Variants in ANXA10 observed in about 807,000 individuals in gnomAD.
The protein encoded by ANXA10 is annexin A10, also known as annexin 14.
Under a neutral mutation model 53.5 loss-of-function variants are expected in ANXA10, and 49 were observed. The ratio of observed to expected loss-of-function variants is 0.92; its 90% CI spans 0.73 to 1.16. The LOEUF is 1.16. Among genes scored for constraint, ANXA10 ranks in the 50% most tolerant of loss-of-function variants. The pLI is 0.00. For missense variants in ANXA10, 393 were observed against 394.4 expected, an observed-to-expected ratio of 1.00 and a Z score of 0.03; for synonymous variants, 131 against 128.9, an observed-to-expected ratio of 1.02 and a Z score of -0.11.
intron 3 of ANXA10, among the ~76,000 whole-genome samples, chr4:168,142,588 GA>G (rs1449079360): frequency 3.9e-5 from 6 of 152,172 alleles, no homozygotes; most frequent in Admixed American, 6.5e-5. Context: ...ACACATCTGA[GA>G]GCTTGTTTGT....
chr4:168,147,631 G>T (rs1387508285), intron 3 of ANXA10, among the ~76,000 whole-genome samples: 1 of 152,150 alleles, frequency 6.6e-6, no homozygotes, highest in African/African-American at 2.4e-5. Flanking sequence ...CTAGTCTAAA[G>T]GTCTCCAATC....
At chr4:168,144,548 T>G (rs1437204824) in intron 3 of ANXA10, among the ~76,000 whole-genome samples, 6 of 152,204 alleles carry the variant, frequency 3.9e-5, no homozygotes. Flanking sequence ...AACTTCAGTT[T>G]TTTTCTATCA....
At chr4:168,154,408 C>T (rs182533978) in intron 3 of ANXA10, among the ~76,000 whole-genome samples, 2 of 152,212 alleles carry the variant, frequency 1.3e-5, no homozygotes, top group Admixed American at 1.3e-4. Context: ...AGTCCATGTC[C>T]TGATAGACTT....
chr4:168,095,951 A>T (rs150266077), intron 1 of ANXA10, among the ~76,000 whole-genome samples: 30 of 152,302 alleles, frequency 2.0e-4, no homozygotes, highest in African/African-American at 6.7e-4. Flanking sequence ...ATAGCTCAAG[A>T]GCACGAAAGT....
At chr4:168,157,296 C>G (rs1287733173) in intron 3 of ANXA10, among the ~76,000 whole-genome samples, 1 of 151,766 alleles carries the variant, frequency 6.6e-6, no homozygotes, top group Non-Finnish European at 1.5e-5. Context: ...GATACAGAGT[C>G]TTGCTCTGTC....
intron 3 of ANXA10, among the ~76,000 whole-genome samples, chr4:168,142,879 G>C (rs1204210483): frequency 6.6e-6 from 1 of 152,016 alleles, no homozygotes; most frequent in Non-Finnish European, 1.5e-5. Context: ...GGGTTGTGCT[G>C]GTTCACTTTT....
At chr4:168,150,491 G>A (rs911283683) in intron 3 of ANXA10, among the ~76,000 whole-genome samples, 2 of 152,142 alleles carry the variant, frequency 1.3e-5, no homozygotes, top group Admixed American at 1.3e-4. Flanking sequence ...CTGCAGGGTG[G>A]CCATTCTGAC....
chr4:168,095,366 C>CT (rs1730525117), intron 1 of ANXA10, among the ~76,000 whole-genome samples: 1 of 151,884 alleles, frequency 6.6e-6, no homozygotes, highest in Admixed American at 6.6e-5. Context: ...ATCCTATTCC[C>CT]TTTTCTACCC....
intron 1 of ANXA10, among the ~76,000 whole-genome samples, chr4:168,093,651 TGG>T (rs1730496006): frequency 1.3e-5 from 2 of 152,166 alleles, no homozygotes; most frequent in Admixed American, 6.5e-5. Context: ...CACTCCAGCC[TGG>T]GCGACAGAGC....
intron 1 of ANXA10, among the ~76,000 whole-genome samples, chr4:168,122,884 CAT>C (rs1673794604): frequency 6.6e-6 from 1 of 152,102 alleles, no homozygotes; most frequent in Admixed American, 6.6e-5. Flanking sequence ...GGAGGGGACA[CAT>C]ATTCAAATCA....
At chr4:168,181,444 G>A (rs1220676844) in intron 9 of ANXA10, among the ~76,000 whole-genome samples, 1 of 150,830 alleles carries the variant, frequency 6.6e-6, no homozygotes, top group African/African-American at 2.4e-5. Flanking sequence ...GCTACATGAA[G>A]GAACTAACAA....
intron 1 of ANXA10, among the ~76,000 whole-genome samples, chr4:168,117,105 C>G (rs1170476118): frequency 2.0e-5 from 3 of 152,102 alleles, no homozygotes; most frequent in South Asian, 4.1e-4. Context: ...ATAATAAGTA[C>G]TCAGCCAGGC....
intron 2 of ANXA10, among the ~76,000 whole-genome samples, chr4:168,133,462 A>G (rs1731186780): frequency 6.6e-6 from 1 of 152,102 alleles, no homozygotes; most frequent in Non-Finnish European, 1.5e-5. Context: ...CAAAATTAAT[A>G]ATTTTAAAAA....
intron 1 of ANXA10, among the ~76,000 whole-genome samples, chr4:168,122,627 A>C (rs1402620232): frequency 5.9e-5 from 9 of 152,188 alleles, no homozygotes; most frequent in African/African-American, 2.2e-4. Context: ...CTTTTGGGGA[A>C]GCCTCAGGAA....
intron 6 of ANXA10, among the ~76,000 whole-genome samples, chr4:168,166,116 T>C (rs1431193186): frequency 6.6e-6 from 1 of 152,216 alleles, no homozygotes; most frequent in Non-Finnish European, 1.5e-5. Flanking sequence ...ATAATACAAA[T>C]ATTCTCATAA....
At chr4:168,115,385 G>T (rs1429139212) in intron 1 of ANXA10, among the ~76,000 whole-genome samples, 1 of 151,980 alleles carries the variant, frequency 6.6e-6, no homozygotes, top group Non-Finnish European at 1.5e-5. Flanking sequence ...CAAATAACTT[G>T]AAATCAAATA....
intron 6 of ANXA10, 114 bp from the exon 7 acceptor site, chr4:168,177,622 TAATA>T: frequency 1.1e-6 from 1 of 938,834 alleles, no homozygotes; most frequent in Non-Finnish European, 1.7e-6. Flanking sequence ...TTACTCCAGA[TAATA>T]AAAGAAGTTC....
intron 3 of ANXA10, among the ~76,000 whole-genome samples, chr4:168,157,691 T>G (rs1363982827): frequency 2.0e-5 from 3 of 152,218 alleles, no homozygotes; most frequent in African/African-American, 7.2e-5. Context: ...ATTTTTGCTA[T>G]TTCTAGAATT....
At position 168,155,205 on chromosome 4, in the gene ANXA10, C is replaced by T. The variant is rs201561065; in HGVS notation, c.196-7323C>T. On this transcript the variant is annotated intron_variant, in intron 3 of 11. Transcript: ENST00000359299. ...GCTCACCTCACAACTACGCTTTCCA[C>T]GAACCTTCATTTTATGAATAATATC... is the stretch of plus-strand genomic sequence containing the variant. 3.3e-5 allele frequency among the ~76,000 whole-genome samples: 5 copies of T among 150,064 alleles called. No homozygotes were observed. In the East Asian group the frequency reaches 9.7e-4, roughly 29 times the overall value.
Sources: allele counts gnomAD v4.1 joint callset (sites outside exome capture counted in the v4.1 genomes callset), GRCh38; gene constraint gnomAD v4.1.1; transcripts MANE v1.5; gene names NCBI Gene and HGNC (gene_info 2026-07-23, HGNC 2026-07-21).